CPQ: variants seen among roughly 807,000 people sequenced by gnomAD.
The protein encoded by CPQ is Ser-Met dipeptidase.
CPQ carries 37 observed loss-of-function variants against 45.7 expected under a neutral mutation model. The observed-to-expected ratio is 0.81, with a 90% CI of 0.62 to 1.07. The LOEUF (loss-of-function observed/expected upper bound fraction) is 1.07, where lower values mean the gene tolerates loss of function less well. Ranked by LOEUF, CPQ falls within the 50% of genes least tolerant of loss-of-function variation. CPQ has a pLI of 0.00. For synonymous variants in CPQ, 186 were observed against 205.8 expected (o/e 0.90, Z 0.82); for missense variants, 537 against 572.9 (o/e 0.94, Z 0.64).
chr8:96,899,555 G>A (rs948752890), intron 4 of CPQ, among the ~76,000 whole-genome samples: 1 of 152,122 alleles, frequency 6.6e-6, no homozygotes, highest in Non-Finnish European at 1.5e-5. Flanking sequence ...TCATGGTGAA[G>A]GTGAAGGAGA....
At chr8:96,820,518 G>T (rs1811286682) in intron 2 of CPQ, among the ~76,000 whole-genome samples, 1 of 151,746 alleles carries the variant, frequency 6.6e-6, no homozygotes, top group South Asian at 2.1e-4. Flanking sequence ...CTATCTTTAT[G>T]AGATCTACTT....
Position 96,861,077 on chromosome 8 carries a change from A to G in CPQ, c.642-18721A>G, listed in dbSNP as rs184897328. On this transcript the variant is annotated intron_variant, in intron 3 of 7. Transcript: ENST00000220763. ...TCACTCTTCTTTAAACAGTTGTTAA[A>G]TCTCTCTTATGCATTTGACATTGGG... Among the ~76,000 whole-genome samples, 6 of 152,266 alleles carry G rather than the reference A, an allele frequency of 3.9e-5. No homozygotes were observed. In the South Asian group the frequency reaches 8.3e-4, roughly 21 times the overall value.
chr8:96,840,155 C>T (rs1811587789), intron 3 of CPQ, among the ~76,000 whole-genome samples: 1 of 152,054 alleles, frequency 6.6e-6, no homozygotes, highest in African/African-American at 2.4e-5. Flanking sequence ...GCAGAATTGA[C>T]CAAGAGAAAG....
intron 7 of CPQ, among the ~76,000 whole-genome samples, chr8:97,123,844 C>G (rs113952955): frequency 6.6e-6 from 1 of 151,926 alleles, no homozygotes; most frequent in Non-Finnish European, 1.5e-5. Context: ...ATTCTGTATA[C>G]GTGAAGGCTG....
chr8:97,099,059 T>C (rs1051341469), intron 7 of CPQ, among the ~76,000 whole-genome samples: 9 of 150,910 alleles, frequency 6.0e-5, no homozygotes, highest in Admixed American at 2.0e-4. Context: ...GCATTCAAGA[T>C]GCTAAATTTT....
chr8:96,970,628 A>C (rs10106430), intron 5 of CPQ, among the ~76,000 whole-genome samples: 11,652 of 149,832 alleles, frequency 0.078, 863 homozygotes, highest in African/African-American at 0.2. Context: ...CAGTGGTGCG[A>C]TCTCGGCTCA....
chr8:96,728,083 C>G (rs1041882386), intron 1 of CPQ, among the ~76,000 whole-genome samples: 3 of 152,120 alleles, frequency 2.0e-5, no homozygotes, highest in Non-Finnish European at 1.5e-5. Flanking sequence ...TGGAGGAGAC[C>G]TCATTGTGAC....
At chr8:96,647,521 A>C (rs1401980986) in intron 1 of CPQ, among the ~76,000 whole-genome samples, 1 of 152,218 alleles carries the variant, frequency 6.6e-6, no homozygotes, top group Non-Finnish European at 1.5e-5. Flanking sequence ...TACATGGAAA[A>C]TGGGAGAGTT....
chr8:96,857,444 C>T (rs1811865695), intron 3 of CPQ, among the ~76,000 whole-genome samples: 1 of 152,160 alleles, frequency 6.6e-6, no homozygotes, highest in Non-Finnish European at 1.5e-5. Context: ...GCTTTGTTTG[C>T]CCTTAAGCAG....
chr8:96,730,508 G>A (rs74488863), intron 1 of CPQ, among the ~76,000 whole-genome samples: 1 of 152,050 alleles, frequency 6.6e-6, no homozygotes, highest in Non-Finnish European at 1.5e-5. Flanking sequence ...GCCACAGAAG[G>A]AAAGTACAGG....
intron 3 of CPQ, among the ~76,000 whole-genome samples, chr8:96,847,445 T>C (rs1418230248): frequency 6.6e-6 from 1 of 152,224 alleles, no homozygotes; most frequent in Non-Finnish European, 1.5e-5. Flanking sequence ...ATGTATGTGA[T>C]AAAATTCATT....
At chr8:96,905,098 A>T (rs1812558676) in intron 4 of CPQ, among the ~76,000 whole-genome samples, 1 of 152,132 alleles carries the variant, frequency 6.6e-6, no homozygotes, top group Non-Finnish European at 1.5e-5. Context: ...GGGAGGCCTC[A>T]GGAAACATAC....
At chr8:97,076,721 G>T (rs1385211240) in intron 7 of CPQ, among the ~76,000 whole-genome samples, 1 of 152,042 alleles carries the variant, frequency 6.6e-6, no homozygotes, top group Non-Finnish European at 1.5e-5. Flanking sequence ...GAGAGGGAGT[G>T]GGCTAAAATG....
chr8:96,735,760 T>C, intron 1 of CPQ, among the ~76,000 whole-genome samples: 1 of 152,212 alleles, frequency 6.6e-6, no homozygotes, highest in African/African-American at 2.4e-5. Flanking sequence ...CCCAGATCTT[T>C]CAATCTTTCT....
chr8:96,962,860 T>C lies in CPQ; in HGVS notation c.850-3075T>C, dbSNP rs368650415. Among the ~76,000 whole-genome samples the C allele has an allele frequency of 3.3e-5, 5 of 152,304 alleles. No individual in the cohort carries two copies. In the East Asian group the frequency reaches 9.6e-4, roughly 29 times the overall value. On this transcript the variant is annotated intron_variant, in intron 4 of 7. Transcript: ENST00000220763. ...TTACCTAGTTTTAAATCAATAGATA[T>C]TAAAATTACTACTACTATTTCATTG...
intron 7 of CPQ, among the ~76,000 whole-genome samples, chr8:97,076,037 G>A (rs1399469908): frequency 2.6e-5 from 4 of 151,866 alleles, no homozygotes; most frequent in African/African-American, 9.7e-5. Flanking sequence ...TTTGTTTTTT[G>A]TTTTTTGAGA....
At chr8:97,079,795 T>C (rs1345711567) in intron 7 of CPQ, among the ~76,000 whole-genome samples, 2 of 152,198 alleles carry the variant, frequency 1.3e-5, no homozygotes, top group South Asian at 2.1e-4. Context: ...ATGTCAAAAA[T>C]TGGAGATGAG....
chr8:96,789,444 CT>C (rs929827019), intron 2 of CPQ, among the ~76,000 whole-genome samples: 1 of 151,916 alleles, frequency 6.6e-6, no homozygotes, highest in African/African-American at 2.4e-5. Flanking sequence ...TTTTGTTTTT[CT>C]TTTGGCTGGG....
intron 3 of CPQ, among the ~76,000 whole-genome samples, chr8:96,875,078 C>G (rs1182925012): frequency 6.6e-6 from 1 of 151,860 alleles, no homozygotes; most frequent in Non-Finnish European, 1.5e-5. Context: ...TCCTTTATAG[C>G]TAATCATGTT....
Sources: gnomAD v4.1 joint callset for allele counts (sites outside exome capture counted in the v4.1 genomes callset) on GRCh38, gnomAD v4.1.1 for gene constraint, MANE v1.5 for transcripts, NCBI Gene and HGNC (gene_info 2026-07-23, HGNC 2026-07-21) for gene names.